The following PRDM16 variants were observed in gnomAD, a reference collection of about 807,000 sequenced individuals.
PRDM16 encodes histone-lysine N-methyltransferase PRDM16.
PRDM16 carries 23 observed loss-of-function variants against 110.6 expected under a neutral mutation model. The observed-to-expected ratio is 0.21, with a 90% CI of 0.15 to 0.29. PRDM16 has a LOEUF of 0.29. PRDM16 is among the 10% of genes least tolerant of loss of function. PRDM16 has a pLI of 1.00. For synonymous variants in PRDM16, 799 were observed against 781.8 expected, an observed-to-expected ratio of 1.02 and a Z score of -0.37; for missense variants, 1,615 against 1,794.3, an observed-to-expected ratio of 0.90 and a Z score of 1.81.
chr1:3,383,927 C>T (rs1310954776), intron 3 of PRDM16, among the ~76,000 whole-genome samples: 2 of 151,460 alleles, frequency 1.3e-5, no homozygotes, highest in Admixed American at 6.6e-5. Flanking sequence ...ACACACCTGC[C>T]CAAGGACACA....
intron 2 of PRDM16, among the ~76,000 whole-genome samples, chr1:3,191,247 C>T (rs543249528): frequency 2.0e-5 from 3 of 152,206 alleles, no homozygotes; most frequent in Admixed American, 1.3e-4. Context: ...CGACCTCACC[C>T]CTGGCGTTAT....
intron 5 of PRDM16, among the ~76,000 whole-genome samples, chr1:3,397,810 G>A (rs1251864952): frequency 6.6e-6 from 1 of 152,188 alleles, no homozygotes; most frequent in Non-Finnish European, 1.5e-5. Flanking sequence ...AAGGAATGGT[G>A]CTGGAATGAG....
At chr1:3,348,914 G>A (rs1642420003) in intron 3 of PRDM16, among the ~76,000 whole-genome samples, 1 of 152,190 alleles carries the variant, frequency 6.6e-6, no homozygotes, top group South Asian at 2.1e-4. Context: ...GGTGGGGAGA[G>A]GCACCTGATG....
chr1:3,393,327 G>A (rs1224256058), intron 4 of PRDM16, among the ~76,000 whole-genome samples: 3 of 152,230 alleles, frequency 2.0e-5, no homozygotes, highest in Non-Finnish European at 2.9e-5. Context: ...CCCTGAGGCC[G>A]CTGCTGGGGG....
At chr1:3,429,037 C>T (rs2100698594) in intron 14 of PRDM16, among the ~76,000 whole-genome samples, 1 of 152,368 alleles carries the variant, frequency 6.6e-6, no homozygotes, top group Middle Eastern at 3.4e-3. Context: ...CCAAGGGTCA[C>T]ATAGGAGGGC....
At chr1:3,311,593 C>A (rs1343578921) in intron 3 of PRDM16, among the ~76,000 whole-genome samples, 1 of 152,200 alleles carries the variant, frequency 6.6e-6, no homozygotes, top group Non-Finnish European at 1.5e-5. Flanking sequence ...AATCCTTGGC[C>A]TGACCTAATC....
intron 2 of PRDM16, among the ~76,000 whole-genome samples, chr1:3,199,045 G>A (rs371490409): frequency 3.9e-5 from 6 of 152,092 alleles, no homozygotes; most frequent in African/African-American, 1.4e-4. Flanking sequence ...AAGTAGAAGC[G>A]GCCTTGTTTC....
chr1:3,317,863 A>G (rs984926034), intron 3 of PRDM16, among the ~76,000 whole-genome samples: 1 of 152,242 alleles, frequency 6.6e-6, no homozygotes, highest in African/African-American at 2.4e-5. Context: ...TCCCAACTCC[A>G]AAAAGATACA....
At position 3,359,972 on chromosome 1, in the gene PRDM16, G is replaced by A. The variant is rs189449267; in HGVS notation, c.439-25180G>A. 9.8e-5 allele frequency among the ~76,000 whole-genome samples: 15 copies of A among 152,338 alleles called. No homozygotes were observed. The highest frequency in any genetic ancestry group is 2.9e-4 in the African/African-American group (12 of 41,594). ...CGGCTCAGAACAGGTCCCTTCAGCC[G>A]GCTCAGCAGCCAGTGAGAAGCAACA... On this transcript the variant is annotated intron_variant, in intron 3 of 16. Coordinates refer to ENST00000270722, the MANE Select transcript of PRDM16 (RefSeq NM_022114.4). The surrounding 1 kb of genome is among the most constrained non-coding windows in gnomAD (Gnocchi z 4.3).
At chr1:3,289,643 C>A (rs1332489232) in intron 3 of PRDM16, among the ~76,000 whole-genome samples, 1 of 152,164 alleles carries the variant, frequency 6.6e-6, no homozygotes, top group Admixed American at 6.5e-5. Flanking sequence ...CACGGTGAGC[C>A]CCAGAGCTGC....
chr1:3,124,322 A>C (rs1269828760), intron 1 of PRDM16, among the ~76,000 whole-genome samples: 4 of 152,214 alleles, frequency 2.6e-5, no homozygotes, highest in Non-Finnish European at 5.9e-5. Flanking sequence ...AGGCCCAGAC[A>C]GTCTCCTGTT....
intron 14 of PRDM16, among the ~76,000 whole-genome samples, chr1:3,427,774 G>A (rs1022784547): frequency 4.6e-5 from 7 of 152,084 alleles, no homozygotes; most frequent in Non-Finnish European, 7.4e-5. Flanking sequence ...GCTCTGGGCC[G>A]TGGTCCCAAA....
intron 3 of PRDM16, among the ~76,000 whole-genome samples, chr1:3,293,299 G>A (rs1229805318): frequency 3.9e-5 from 6 of 152,352 alleles, no homozygotes; most frequent in African/African-American, 4.8e-5. Flanking sequence ...GAGAAGCAGC[G>A]AGACCCTGTC....
chr1:3,429,361 G>C (rs1011890175), intron 14 of PRDM16, among the ~76,000 whole-genome samples: 1 of 152,246 alleles, frequency 6.6e-6, no homozygotes, highest in African/African-American at 2.4e-5. Flanking sequence ...CAAATACTCT[G>C]TGCATGGGGG....
intron 3 of PRDM16, among the ~76,000 whole-genome samples, chr1:3,360,529 A>G (rs1258259027): frequency 6.6e-6 from 1 of 152,160 alleles, no homozygotes; most frequent in Non-Finnish European, 1.5e-5. Context: ...ACTGTGGCGT[A>G]GATGCTGGGA....
chr1:3,139,551 G>A (rs758439408), intron 1 of PRDM16, among the ~76,000 whole-genome samples: 4 of 152,244 alleles, frequency 2.6e-5, no homozygotes, highest in African/African-American at 4.8e-5. Context: ...GGGGGTGCTC[G>A]GGCACTGCCT....
chr1:3,240,833 A>ACC (rs1639653777), intron 2 of PRDM16, among the ~76,000 whole-genome samples: 2 of 152,206 alleles, frequency 1.3e-5, no homozygotes, highest in Admixed American at 1.3e-4. Context: ...GTTCTGACCA[A>ACC]CCCCACTTAG....
chr1:3,155,101 C>G (rs1643837895), intron 1 of PRDM16, among the ~76,000 whole-genome samples: 2 of 152,132 alleles, frequency 1.3e-5, no homozygotes, highest in Admixed American at 1.3e-4. Context: ...TGGCATCCCC[C>G]CGACCTCTCA....
chr1:3,314,594 C>G (rs528390440), intron 3 of PRDM16, among the ~76,000 whole-genome samples: 11 of 152,002 alleles, frequency 7.2e-5, no homozygotes, highest in South Asian at 6.3e-4. Context: ...CTCTCTCCCC[C>G]CCTCCCTCCT....
Sources: gnomAD v4.1 joint callset for allele counts (sites outside exome capture counted in the v4.1 genomes callset) on GRCh38, gnomAD v4.1.1 for gene constraint, Gnocchi (gnomAD v3.1) non-coding constraint, MANE v1.5 for transcripts, NCBI Gene and HGNC (gene_info 2026-07-23, HGNC 2026-07-21) for gene names.